The following GNAQ variants were observed in gnomAD, a reference collection of about 807,000 sequenced individuals.
GNAQ encodes G protein subunit alpha q.
In GNAQ, 8 loss-of-function variants were observed where a neutral mutation model predicts 43.9. The ratio of observed to expected loss-of-function variants is 0.18; its 90% CI spans 0.11 to 0.33. The LOEUF (loss-of-function observed/expected upper bound fraction) is 0.33. Ranked by LOEUF, GNAQ falls within the 10% of genes least tolerant of loss-of-function variation. The probability of loss-of-function intolerance (pLI) is 1.00; values close to 1 mark genes in which losing one functional copy is unlikely to be tolerated. For missense variants in GNAQ, 158 were observed against 450.8 expected, an observed-to-expected ratio of 0.35 and a Z score of 5.88; for synonymous variants, 155 against 170.7, an observed-to-expected ratio of 0.91 and a Z score of 0.71.
intron 3 of GNAQ, among the ~76,000 whole-genome samples, chr9:77,803,866 C>T (rs893451819): frequency 6.6e-6 from 1 of 152,086 alleles, no homozygotes; most frequent in African/African-American, 2.4e-5. Context: ...GAAATCATGC[C>T]CATTAGTTTA....
rs1824065922 is a variant in GNAQ at position 78,031,750 on chromosome 9, G to C, written c.-515C>G. 6.8e-6 allele frequency among the ~76,000 whole-genome samples: 1 copy of C among 147,100 alleles called. No homozygotes were observed. Among genetic ancestry groups the C allele is most frequent in the East Asian group, 2.0e-4 (1 of 4,910 alleles). ...CCTGACACGGCTCCCGGGCGCCCTC[G>C]GCCCTGTCCGCGCCCACCGCCCGGC... On this transcript the variant is annotated 5_prime_UTR_variant, in exon 1 of 7. Coordinates refer to ENST00000286548, the MANE Select transcript of GNAQ (RefSeq NM_002072.5).
intron 5 of GNAQ, among the ~76,000 whole-genome samples, chr9:77,787,892 T>C (rs1826507643): frequency 6.6e-6 from 1 of 152,100 alleles, no homozygotes; most frequent in Non-Finnish European, 1.5e-5. Flanking sequence ...TAGCCGGGCA[T>C]GGTGGCGCGT....
intron 3 of GNAQ, among the ~76,000 whole-genome samples, 181 bp from the exon 4 acceptor site, chr9:77,797,829 T>A (rs1826681172): frequency 6.6e-6 from 1 of 152,162 alleles, no homozygotes; most frequent in South Asian, 2.1e-4. Flanking sequence ...TACTGGAAGG[T>A]TATCCATCTA....
At chr9:78,024,302 G>C (rs539453981) in intron 1 of GNAQ, among the ~76,000 whole-genome samples, 1 of 152,222 alleles carries the variant, frequency 6.6e-6, no homozygotes, top group South Asian at 2.1e-4. Context: ...CCACAAAACA[G>C]CAAAGAGGAG....
chr9:77,831,882 TCTAAGA>T (rs1006465104), intron 2 of GNAQ, among the ~76,000 whole-genome samples: 27 of 152,328 alleles, frequency 1.8e-4, no homozygotes, highest in African/African-American at 5.8e-4. Context: ...CCTTCAGTTT[TCTAAGA>T]CTATCAGAGT....
chr9:77,876,008 A>G (rs531852640), intron 2 of GNAQ, among the ~76,000 whole-genome samples: 19 of 152,360 alleles, frequency 1.2e-4, no homozygotes, highest in Admixed American at 9.1e-4. Context: ...ACATCTGCAT[A>G]CCATGAGGAT....
chr9:77,910,115 T>C (rs1443677971), intron 2 of GNAQ, among the ~76,000 whole-genome samples: 1 of 152,194 alleles, frequency 6.6e-6, no homozygotes, highest in Non-Finnish European at 1.5e-5. Context: ...TAGGTTTTGA[T>C]ACATGCTATT....
At chr9:77,737,436 C>CT (rs1445377008) in intron 5 of GNAQ, among the ~76,000 whole-genome samples, 1 of 152,198 alleles carries the variant, frequency 6.6e-6, no homozygotes, top group Non-Finnish European at 1.5e-5. Flanking sequence ...CAGCCTGAAT[C>CT]TCATGATGAT....
intron 1 of GNAQ, among the ~76,000 whole-genome samples, chr9:77,962,333 C>T (rs1254845767): frequency 3.3e-5 from 5 of 152,016 alleles, no homozygotes; most frequent in Non-Finnish European, 7.4e-5. Flanking sequence ...CCTCAACAAA[C>T]ATCAAGCAGT....
chr9:77,775,523 CCT>C (rs1587911076), intron 5 of GNAQ, among the ~76,000 whole-genome samples: 1 of 151,580 alleles, frequency 6.6e-6, no homozygotes, highest in East Asian at 1.9e-4. Context: ...CATTCTCCTG[CCT>C]CAGCCTCCCG....
At chr9:77,753,854 A>G (rs933430177) in intron 5 of GNAQ, among the ~76,000 whole-genome samples, 3 of 152,258 alleles carry the variant, frequency 2.0e-5, no homozygotes, top group Non-Finnish European at 2.9e-5. Flanking sequence ...TAAAAAGCTC[A>G]TAAGACAGTG....
chr9:77,763,144 A>AC (rs112579428), intron 5 of GNAQ, among the ~76,000 whole-genome samples: 2,320 of 127,172 alleles, frequency 0.018, 66 homozygotes, highest in African/African-American at 0.067. Context: ...AAACAAACAA[A>AC]AAAAAAAAAA....
At chr9:77,895,859 GCTCT>G (rs1400949933) in intron 2 of GNAQ, among the ~76,000 whole-genome samples, 3 of 152,102 alleles carry the variant, frequency 2.0e-5, no homozygotes, top group Admixed American at 6.5e-5. Context: ...CCCTGCACAA[GCTCT>G]CTCTGTCTGC....
At chr9:77,808,355 G>A (rs1430501306) in intron 3 of GNAQ, among the ~76,000 whole-genome samples, 1 of 150,200 alleles carries the variant, frequency 6.7e-6, no homozygotes, top group Non-Finnish European at 1.5e-5. Flanking sequence ...ACAAATGCAG[G>A]GCTTTTTGTT....
intron 1 of GNAQ, among the ~76,000 whole-genome samples, chr9:77,934,251 T>A (rs143156102): frequency 4.6e-5 from 7 of 151,992 alleles, no homozygotes; most frequent in Non-Finnish European, 1.0e-4. Context: ...AAGGGTTCTC[T>A]CCAGCGTTGG....
chr9:77,980,113 G>A (rs1047148420), intron 1 of GNAQ, among the ~76,000 whole-genome samples: 5 of 152,182 alleles, frequency 3.3e-5, no homozygotes, highest in Admixed American at 3.3e-4. Flanking sequence ...TACGTTCTTT[G>A]TGGTGTGACC....
chr9:77,976,682 G>C (rs761484068), intron 1 of GNAQ, among the ~76,000 whole-genome samples: 1 of 152,156 alleles, frequency 6.6e-6, no homozygotes, highest in Non-Finnish European at 1.5e-5. Flanking sequence ...GAGCCAACAC[G>C]CCCGGCCCAG....
intron 1 of GNAQ, among the ~76,000 whole-genome samples, chr9:78,022,151 G>A (rs1280750752): frequency 6.6e-6 from 1 of 152,166 alleles, no homozygotes; most frequent in African/African-American, 2.4e-5. Flanking sequence ...GAAGAGCCAG[G>A]CCAACCCGAA....
At chr9:77,760,867 T>C (rs1261383592) in intron 5 of GNAQ, among the ~76,000 whole-genome samples, 1 of 145,386 alleles carries the variant, frequency 6.9e-6, no homozygotes, top group Non-Finnish European at 1.5e-5. Context: ...CCGCCCCGTC[T>C]GGGATGTGAG....
Sources: gnomAD v4.1 joint callset for allele counts (sites outside exome capture counted in the v4.1 genomes callset) on GRCh38, gnomAD v4.1.1 for gene constraint, MANE v1.5 for transcripts, NCBI Gene and HGNC (gene_info 2026-07-23, HGNC 2026-07-21) for gene names.